Variants in SLC25A26 observed in about 807,000 individuals in gnomAD.
SLC25A26 encodes mitochondrial S-adenosylmethionine carrier protein.
Under a neutral mutation model 37.8 loss-of-function variants are expected in SLC25A26, and 36 were observed. The ratio of observed to expected loss-of-function variants is 0.95; its 90% CI spans 0.73 to 1.26. The LOEUF (loss-of-function observed/expected upper bound fraction) is 1.26. Among genes scored for constraint, SLC25A26 ranks in the 50% most tolerant of loss-of-function variants. The pLI is 0.00. For synonymous variants in SLC25A26, 129 were observed against 122.5 expected (o/e 1.05, Z -0.35); for missense variants, 390 against 331.1 (o/e 1.18, Z -1.38).
At chr3:66,172,324 T>C (rs1239976580) in intron 1 of SLC25A26, among the ~76,000 whole-genome samples, 2 of 146,490 alleles carry the variant, frequency 1.4e-5, no homozygotes, top group Non-Finnish European at 3.0e-5. Flanking sequence ...GGTGGAAGGA[T>C]TGCTTGGGCC....
rs748856041 is a variant in SLC25A26, at chr3:66,363,904, T to G, written c.568+975T>G. ...AGACATGAAACCAATCCAGATTGAT[T>G]ATGATGATGATCGTTTCCACATGAC... On this transcript the variant is annotated intron_variant, in intron 7 of 9. Transcript: ENST00000354883. Among the ~76,000 whole-genome samples the G allele has an allele frequency of 3.5e-4, 53 of 152,190 alleles. 2 individuals are homozygous for G. Among genetic ancestry groups the G allele is most frequent in the Admixed American group, 2.6e-4 (4 of 15,290 alleles).
At chr3:66,349,903 A>G (rs2076411228) in intron 6 of SLC25A26, among the ~76,000 whole-genome samples, 2 of 152,122 alleles carry the variant, frequency 1.3e-5, no homozygotes, top group East Asian at 1.9e-4. Context: ...CAGCCATTCT[A>G]GTACTTGTGA....
intron 5 of SLC25A26, among the ~76,000 whole-genome samples, chr3:66,264,232 A>G (rs1440395802): frequency 1.3e-5 from 2 of 151,660 alleles, no homozygotes; most frequent in Non-Finnish European, 2.9e-5. Flanking sequence ...AGATCGTGCC[A>G]CTGGATTCCA....
chr3:66,287,212 C>T (rs557098133), intron 5 of SLC25A26, among the ~76,000 whole-genome samples: 42 of 151,386 alleles, frequency 2.8e-4, no homozygotes, highest in East Asian at 2.0e-4. Flanking sequence ...AGGAGAATAG[C>T]GTGAACCTGG....
At chr3:66,315,751 CTCTT>C (rs772312973) in intron 5 of SLC25A26, among the ~76,000 whole-genome samples, 1 of 152,182 alleles carries the variant, frequency 6.6e-6, no homozygotes, top group Non-Finnish European at 1.5e-5. Flanking sequence ...GAGTGTAAAT[CTCTT>C]TGTAGGTATC....
rs550674225 is a variant in SLC25A26, at chr3:66,372,767, C to T, written c.707+2165C>T. 2.4e-4 allele frequency among the ~76,000 whole-genome samples: 36 copies of T among 152,290 alleles called. No individual in the cohort carries two copies. In the South Asian group the frequency reaches 6.8e-3, roughly 29 times the overall value. On this transcript the variant is annotated intron_variant, in intron 9 of 9. Transcript: ENST00000354883. ...GAAAAACCTGGGTGGCTGTTGTGAACAGAGGTCCCAGGCACCCTCAGCCTG... is the reference window on the plus strand; with the variant it reads ...GAAAAACCTGGGTGGCTGTTGTGAATAGAGGTCCCAGGCACCCTCAGCCTG...
intron 1 of SLC25A26, among the ~76,000 whole-genome samples, chr3:66,166,170 T>A (rs1407626649): frequency 1.3e-5 from 2 of 152,188 alleles, no homozygotes; most frequent in African/African-American, 4.8e-5. Context: ...CAGATGAACA[T>A]AGAATTGAAG....
chr3:66,178,434 G>A (rs997929246), intron 1 of SLC25A26, among the ~76,000 whole-genome samples: 3 of 152,130 alleles, frequency 2.0e-5, no homozygotes, highest in Admixed American at 6.5e-5. Context: ...TCTGGGCAGC[G>A]TTTGGTGCAC....
At chr3:66,157,555 G>C (rs1301467769) in intron 1 of SLC25A26, among the ~76,000 whole-genome samples, 1 of 152,206 alleles carries the variant, frequency 6.6e-6, no homozygotes, top group Non-Finnish European at 1.5e-5. Context: ...TCTATAACTT[G>C]CTCAAAGTCA....
At chr3:66,281,177 G>GT (rs1182877035) in intron 5 of SLC25A26, among the ~76,000 whole-genome samples, 3 of 152,082 alleles carry the variant, frequency 2.0e-5, no homozygotes, top group African/African-American at 4.8e-5. Context: ...AGGTTAATTG[G>GT]TTTTTTTATA....
chr3:66,147,361 C>T (rs1473261437), intron 1 of SLC25A26, among the ~76,000 whole-genome samples: 1 of 151,558 alleles, frequency 6.6e-6, no homozygotes, highest in African/African-American at 2.4e-5. Flanking sequence ...TGGGGTTTTA[C>T]CATGTTGGCC....
intron 5 of SLC25A26, among the ~76,000 whole-genome samples, chr3:66,271,921 C>T (rs964291831): frequency 2.0e-5 from 3 of 151,902 alleles, no homozygotes; most frequent in African/African-American, 7.3e-5. Context: ...TGTAGAAACT[C>T]ATCTTTAAAA....
intron 5 of SLC25A26, among the ~76,000 whole-genome samples, chr3:66,288,330 TA>T (rs949687726): frequency 1.1e-4 from 16 of 152,068 alleles, no homozygotes; most frequent in African/African-American, 3.9e-4. Flanking sequence ...GCATTTTTTT[TA>T]AAAAAATTAA....
intron 1 of SLC25A26, among the ~76,000 whole-genome samples, chr3:66,204,881 T>C (rs2071157534): frequency 6.6e-6 from 1 of 152,176 alleles, no homozygotes; most frequent in East Asian, 1.9e-4. Flanking sequence ...TCAGTCAACA[T>C]TTTAAACAGC....
At chr3:66,372,735 A>T (rs561142417) in intron 9 of SLC25A26, among the ~76,000 whole-genome samples, 1 of 152,344 alleles carries the variant, frequency 6.6e-6, no homozygotes, top group African/African-American at 2.4e-5. Context: ...ACTAAAAAAC[A>T]GTCACAGAAA....
chr3:66,302,942 A>G (rs1186165527), intron 5 of SLC25A26, among the ~76,000 whole-genome samples: 3 of 152,170 alleles, frequency 2.0e-5, no homozygotes, highest in Admixed American at 2.0e-4. Flanking sequence ...GATGCCTTAG[A>G]GCAGAGTTTA....
intron 5 of SLC25A26, among the ~76,000 whole-genome samples, chr3:66,293,618 A>G (rs544812161): frequency 7.9e-5 from 12 of 152,082 alleles, no homozygotes; most frequent in Admixed American, 5.9e-4. Flanking sequence ...TTAGCTCGCA[A>G]TTATAAATGA....
At chr3:66,279,068 C>G (rs539934718) in intron 5 of SLC25A26, among the ~76,000 whole-genome samples, 2 of 152,212 alleles carry the variant, frequency 1.3e-5, no homozygotes, top group South Asian at 4.1e-4. Context: ...TTCTTGCACT[C>G]TATCAGTTGC....
At chr3:66,267,633 G>A (rs2073804691) in intron 5 of SLC25A26, among the ~76,000 whole-genome samples, 1 of 152,092 alleles carries the variant, frequency 6.6e-6, no homozygotes, top group African/African-American at 2.4e-5. Flanking sequence ...AATAACTCCT[G>A]GTTTCTTTTC....
Sources: gnomAD v4.1 joint callset for allele counts (sites outside exome capture counted in the v4.1 genomes callset) on GRCh38, gnomAD v4.1.1 for gene constraint, MANE v1.5 for transcripts, NCBI Gene and HGNC (gene_info 2026-07-23, HGNC 2026-07-21) for gene names.